ILKAP: variants seen among roughly 807,000 people sequenced by gnomAD.
ILKAP encodes the protein ILK associated serine/threonine phosphatase, also known as integrin-linked kinase-associated serine/threonine phosphatase 2C.
A neutral mutation model predicts 49.1 loss-of-function variants in ILKAP; 11 were observed. The observed-to-expected ratio is 0.22, with a 90% CI of 0.14 to 0.37. The LOEUF (loss-of-function observed/expected upper bound fraction) is 0.37. Ranked by LOEUF, ILKAP falls within the 10% of genes least tolerant of loss-of-function variation. ILKAP has a pLI of 1.00. For synonymous variants in ILKAP, 186 were observed against 192.8 expected (o/e 0.96, Z 0.29); for missense variants, 363 against 510.8 (o/e 0.71, Z 2.79).
chr2:238,175,044 T>C (rs1693387864), intron 9 of ILKAP, among the ~76,000 whole-genome samples: 1 of 151,960 alleles, frequency 6.6e-6, no homozygotes, highest in Admixed American at 6.6e-5. Flanking sequence ...CACAACACAG[T>C]ACAGACAATG....
chr2:238,199,844 G>A (rs1044486301), intron 1 of ILKAP, among the ~76,000 whole-genome samples: 4 of 151,278 alleles, frequency 2.6e-5, no homozygotes, highest in East Asian at 3.9e-4. Flanking sequence ...CAAATTCCTG[G>A]CCTCAAGCCA....
In ILKAP at chr2:238,181,941, TCA is replaced by T. The variant is rs1412237794; in HGVS notation, c.836+122_836+123del. ...CCACCTATGTCACCAGTGTTAGATC[TCA>T]GACAGAGCCTCGTCACACTGAAGAC... On this transcript the variant is annotated intron_variant, in intron 9 of 11. Transcript: ENST00000254654. 7 of 1,029,546 alleles carry T rather than the reference TCA, an allele frequency of 6.8e-6. No individual in the cohort carries two copies. The African/African-American group carries it at 1.1e-4, about 17-fold the overall frequency. The allele number at this position is 1,029,546 out of a possible 1,614,324, so 63.8% of individuals were successfully genotyped here. A position where few individuals can be genotyped will look rare whatever the true frequency, so the allele number is the denominator to read the frequency against.
At chr2:238,188,085 CAGG>C in intron 5 of ILKAP, 43 bp downstream of exon 5, 1 of 1,607,856 alleles carries the variant, frequency 6.2e-7, no homozygotes, top group Non-Finnish European at 8.5e-7. Context: ...AGTCAGAACC[CAGG>C]AGATGTTAAT....
At chr2:238,192,664 C>T (rs1393752238) in intron 3 of ILKAP, among the ~76,000 whole-genome samples, 2 of 149,352 alleles carry the variant, frequency 1.3e-5, no homozygotes, top group East Asian at 3.9e-4. Flanking sequence ...CGCGCCACTG[C>T]ACTCCAGCCT....
At chr2:238,170,825 C>T (rs768032885) in intron 11 of ILKAP, 118 bp downstream of exon 11, 30 of 1,459,414 alleles carry the variant, frequency 2.1e-5, no homozygotes, top group Admixed American at 6.7e-5. Context: ...AGAGTTCACA[C>T]TGAAAAAGGG....
At chr2:238,182,209 AG>A in intron 8 of ILKAP, 23 bp from the exon 9 acceptor site, 1 of 1,612,326 alleles carries the variant, frequency 6.2e-7, no homozygotes, top group Non-Finnish European at 8.5e-7. Flanking sequence ...AGATTGTAAT[AG>A]TCATGAAATT....
At chr2:238,203,319 G>A (rs1443480393) in intron 1 of ILKAP, among the ~76,000 whole-genome samples, 180 bp downstream of exon 1, 2 of 150,572 alleles carry the variant, frequency 1.3e-5, no homozygotes, top group Non-Finnish European at 3.0e-5. Flanking sequence ...GAGCGACCGG[G>A]CCTCCGACAG....
Position 238,194,959 on chromosome 2 carries a change from T to C in ILKAP, c.56-89A>G, listed in dbSNP as rs1694284211. 6 of 1,059,740 alleles carry C rather than the reference T, an allele frequency of 5.7e-6. No homozygotes were observed. The Admixed American group carries it at 9.8e-5, about 17-fold the overall frequency. The allele number at this position is 1,059,740 out of a possible 1,614,324, so 65.6% of individuals were successfully genotyped here. ...GAAGATCATGTGGTCTCCCCTGCTT[T>C]GACACAAGTTTGCTATTAGATTCTA... On this transcript the variant is annotated intron_variant, in intron 1 of 11. Transcript: ENST00000254654.
In ILKAP at chr2:238,194,763, T is replaced by C. The variant is rs372079020; in HGVS notation, c.121+42A>G. 113 of 1,577,938 alleles carry C rather than the reference T, an allele frequency of 7.2e-5. 1 individual carries two copies. The Middle Eastern group carries it at 2.3e-3, about 33-fold the overall frequency. ...GAGACAACTACAATCCCAGGATGAGTAGAGACGTTGACACACACCTGGGAG... is the reference window on the plus strand; with the variant it reads ...GAGACAACTACAATCCCAGGATGAGCAGAGACGTTGACACACACCTGGGAG... On this transcript the variant is annotated intron_variant, in intron 2 of 11. Transcript: ENST00000254654.
At chr2:238,184,214 G>A (rs371560192) in intron 6 of ILKAP, 101 bp from the exon 7 acceptor site, 14 of 737,504 alleles carry the variant, frequency 1.9e-5, no homozygotes, top group Middle Eastern at 2.4e-4. Flanking sequence ...TTTTTGAGAC[G>A]GAGTCTCGTT....
chr2:238,188,217 C>T lies in ILKAP; in HGVS notation c.339G>A (p.Glu113=). ...GCATCTCCTCCCTCTCACCCTTCCG[C>T]TCAGCCACATAGCCCTTCAGACCAA... ...VIFGLKGYVA[E]RKGEREEMQD... The change falls in exon 5 of 12, where the codon GAG becomes GAA. Residue 113 remains glutamate (E), a synonymous_variant. Coordinates refer to ENST00000254654, the MANE Select transcript of ILKAP (RefSeq NM_030768.3). 6.2e-7 allele frequency: 1 copy of T among 1,614,062 alleles called. No homozygotes were observed. The highest frequency in any genetic ancestry group is 1.3e-5 in the African/African-American group (1 of 75,008).
chr2:238,172,415 A>G (rs1693263378), intron 10 of ILKAP, among the ~76,000 whole-genome samples: 1 of 152,158 alleles, frequency 6.6e-6, no homozygotes. Context: ...GTCCATGCTG[A>G]GAACACCGTG....
intron 8 of ILKAP, 132 bp from the exon 9 acceptor site, chr2:238,182,318 G>A (rs35468889): frequency 0.17 from 182,218 of 1,041,752 alleles, 17,811 homozygotes; most frequent in East Asian, 0.38. Flanking sequence ...TCAGCCTCCT[G>A]CTGATAAACG....
intron 1 of ILKAP, among the ~76,000 whole-genome samples, chr2:238,195,187 G>C (rs1205239942): frequency 6.6e-6 from 1 of 152,016 alleles, no homozygotes; most frequent in Admixed American, 6.6e-5. Flanking sequence ...ACATTTAAAA[G>C]TCTTTCTTTA....
chr2:238,188,804 A>G (rs1158425730), intron 4 of ILKAP, among the ~76,000 whole-genome samples: 1 of 152,222 alleles, frequency 6.6e-6, no homozygotes, highest in Non-Finnish European at 1.5e-5. Context: ...ATCTATTTAC[A>G]TTTAATGGTT....
At chr2:238,178,077 C>T (rs1169055776) in intron 9 of ILKAP, among the ~76,000 whole-genome samples, 2 of 152,142 alleles carry the variant, frequency 1.3e-5, no homozygotes, top group African/African-American at 4.8e-5. Flanking sequence ...GGCAAAATAA[C>T]CACAGTAAAA....
chr2:238,188,077 T>G, intron 5 of ILKAP, 54 bp downstream of exon 5: 1 of 1,600,256 alleles, frequency 6.2e-7, no homozygotes, highest in South Asian at 1.1e-5. Context: ...AAAATGCCAG[T>G]CAGAACCCAG....
intron 8 of ILKAP, among the ~76,000 whole-genome samples, chr2:238,182,402 A>G (rs1253671431): frequency 6.6e-6 from 1 of 152,212 alleles, no homozygotes; most frequent in Admixed American, 6.5e-5. Context: ...CCTGGTTTTG[A>G]TATCAACTCT....
At chr2:238,188,304 C>A in intron 4 of ILKAP, 47 bp from the exon 5 acceptor site, 1 of 1,594,554 alleles carries the variant, frequency 6.3e-7, no homozygotes, top group Non-Finnish European at 8.5e-7. Flanking sequence ...GTGCCCAACC[C>A]TCTGGAAACC....
Sources: gnomAD v4.1 joint callset for allele counts (sites outside exome capture counted in the v4.1 genomes callset) on GRCh38, gnomAD v4.1.1 for gene constraint, MANE v1.5 for transcripts, NCBI Gene and HGNC (gene_info 2026-07-23, HGNC 2026-07-21) for gene names.